Variants in RYR2 observed in about 807,000 individuals in gnomAD.
RYR2 encodes cardiac muscle ryanodine receptor-calcium release channel.
RYR2 carries 227 observed loss-of-function variants against 601.1 expected under a neutral mutation model. The observed-to-expected ratio is 0.38, with a 90% CI of 0.34 to 0.42. RYR2 has a LOEUF of 0.42. RYR2 is among the 10% of genes least tolerant of loss of function. RYR2 has a pLI of 1.00. For missense variants in RYR2, 4,646 were observed against 6,156.5 expected (o/e 0.75, Z 8.21); for synonymous variants, 2,223 against 2,175.1 (o/e 1.02, Z -0.61).
chr1:237,609,413 A>G (rs1031170657), intron 35 of RYR2, among the ~76,000 whole-genome samples: 1 of 121,158 alleles, frequency 8.3e-6, no homozygotes, highest in African/African-American at 3.2e-5. Flanking sequence ...CTTGTCACCC[A>G]GGCTGGAGTG....
intron 1 of RYR2, among the ~76,000 whole-genome samples, chr1:237,068,825 T>C (rs1292139975): frequency 6.6e-6 from 1 of 152,292 alleles, no homozygotes; most frequent in East Asian, 1.9e-4. Flanking sequence ...TTACTGTTTT[T>C]AGATCTCCCC....
intron 25 of RYR2, among the ~76,000 whole-genome samples, chr1:237,545,763 A>T (rs1042357581): frequency 6.6e-6 from 1 of 151,966 alleles, no homozygotes; most frequent in Non-Finnish European, 1.5e-5. Context: ...TAAAAAAAAA[A>T]AAAAATACTT....
chr1:237,383,577 C>G (rs1701734703), intron 8 of RYR2, among the ~76,000 whole-genome samples: 1 of 151,522 alleles, frequency 6.6e-6, no homozygotes. Flanking sequence ...CTGTAGGTGC[C>G]TGCCACCACA....
intron 3 of RYR2, among the ~76,000 whole-genome samples, chr1:237,347,058 G>A (rs1698368282): frequency 6.6e-6 from 1 of 152,116 alleles, no homozygotes; most frequent in Admixed American, 6.5e-5. Flanking sequence ...TGGGCATGGT[G>A]GCTCACACCT....
chr1:237,311,829 TA>T (rs1375799326), intron 2 of RYR2, among the ~76,000 whole-genome samples: 1 of 152,190 alleles, frequency 6.6e-6, no homozygotes, highest in Non-Finnish European at 1.5e-5. Context: ...TAGTGGAAGA[TA>T]AAAAGTCATA....
intron 1 of RYR2, among the ~76,000 whole-genome samples, chr1:237,244,165 C>G (rs916700223): frequency 2.0e-5 from 3 of 152,198 alleles, no homozygotes; most frequent in Non-Finnish European, 4.4e-5. Flanking sequence ...ATAGGGCTGT[C>G]CAAACAACAC....
chr1:237,562,317 T>C (rs555329763), intron 27 of RYR2, among the ~76,000 whole-genome samples: 1 of 152,364 alleles, frequency 6.6e-6, no homozygotes, highest in Non-Finnish European at 1.5e-5. Context: ...AGTATTATCA[T>C]TAGACCTAAA....
chr1:237,354,153 T>G (rs901901439), intron 3 of RYR2, among the ~76,000 whole-genome samples: 1 of 152,216 alleles, frequency 6.6e-6, no homozygotes, highest in Non-Finnish European at 1.5e-5. Context: ...GTTGCTAAGC[T>G]TTTCTTTGGG....
At chr1:237,163,316 T>C (rs1676242731) in intron 1 of RYR2, among the ~76,000 whole-genome samples, 1 of 151,552 alleles carries the variant, frequency 6.6e-6, no homozygotes, top group Non-Finnish European at 1.5e-5. Context: ...AGAAAAGAGG[T>C]TGTAGCTAGC....
chr1:237,428,855 A>G (rs1706486290), intron 12 of RYR2, among the ~76,000 whole-genome samples: 1 of 152,130 alleles, frequency 6.6e-6, no homozygotes, highest in Non-Finnish European at 1.5e-5. Flanking sequence ...CAAAATCTCC[A>G]GGAGCTACGA....
chr1:237,502,728 C>T (rs1421544387), intron 21 of RYR2, among the ~76,000 whole-genome samples: 2 of 151,746 alleles, frequency 1.3e-5, no homozygotes, highest in Admixed American at 6.6e-5. Context: ...CCTAACAGGC[C>T]GCGGACTGGT....
intron 1 of RYR2, among the ~76,000 whole-genome samples, chr1:237,245,735 G>T (rs542516095): frequency 5.3e-5 from 8 of 152,132 alleles, no homozygotes; most frequent in Non-Finnish European, 1.0e-4. Context: ...AGAAGCAAAA[G>T]CAACTTTAAT....
At chr1:237,767,898 C>T (rs1396134006) in intron 84 of RYR2, among the ~76,000 whole-genome samples, 1 of 152,064 alleles carries the variant, frequency 6.6e-6, no homozygotes, top group Non-Finnish European at 1.5e-5. Flanking sequence ...GCTTTAGAGT[C>T]AACTGTATAG....
intron 8 of RYR2, among the ~76,000 whole-genome samples, chr1:237,382,457 A>G (rs1701601318): frequency 6.6e-6 from 1 of 152,098 alleles, no homozygotes; most frequent in South Asian, 2.1e-4. Context: ...TACATGTGCC[A>G]TGTTGGTGTG....
intron 1 of RYR2, among the ~76,000 whole-genome samples, chr1:237,155,179 C>CTTTTTTTT (rs11412062): frequency 7.8e-6 from 1 of 127,604 alleles, no homozygotes; most frequent in East Asian, 2.2e-4. Context: ...TTTTTCTTTT[C>CTTTTTTTT]TTTTTTTTTT....
intron 84 of RYR2, among the ~76,000 whole-genome samples, chr1:237,764,944 G>GT (rs1376444524): frequency 3.3e-5 from 5 of 150,920 alleles, no homozygotes; most frequent in Admixed American, 6.6e-5. Flanking sequence ...TATTTATACT[G>GT]TTTTTTTTCT....
chr1:237,357,004 C>T (rs1699352934), intron 4 of RYR2, among the ~76,000 whole-genome samples: 1 of 152,056 alleles, frequency 6.6e-6, no homozygotes, highest in Non-Finnish European at 1.5e-5. Flanking sequence ...GCCATCTTTT[C>T]AGTGCCCTTT....
intron 35 of RYR2, among the ~76,000 whole-genome samples, chr1:237,609,379 T>C (rs1438546554): frequency 7.3e-6 from 1 of 136,870 alleles, no homozygotes; most frequent in Admixed American, 7.3e-5. Flanking sequence ...CCCTTCCCTT[T>C]TCTTTCTTTC....
chr1:237,198,052 C>T lies in RYR2; in HGVS notation c.49-72445C>T, dbSNP rs564606255. Among the ~76,000 whole-genome samples the T allele has an allele frequency of 1.0e-3, 156 of 152,162 alleles. 1 individual carries two copies. Among genetic ancestry groups the T allele is most frequent in the African/African-American group, 1.8e-3 (74 of 41,518 alleles). On this transcript the variant is annotated intron_variant, in intron 1 of 104. Coordinates refer to ENST00000366574, the MANE Select transcript of RYR2 (RefSeq NM_001035.3). ...TTTGCTAATGAGGCAGTGGGAAAGA[C>T]GGAAGAAGATTAGGATCAGATGGGG...
Sources: allele counts gnomAD v4.1 joint callset (sites outside exome capture counted in the v4.1 genomes callset), GRCh38; gene constraint gnomAD v4.1.1; transcripts MANE v1.5; gene names NCBI Gene and HGNC (gene_info 2026-07-23, HGNC 2026-07-21).